The following XPO5 variants were observed in gnomAD, a reference collection of about 807,000 sequenced individuals.
XPO5 encodes the protein exportin-5.
A neutral mutation model predicts 160.6 loss-of-function variants in XPO5; 46 were observed. That is an observed-to-expected ratio of 0.29 (90% confidence interval 0.23 to 0.37). XPO5 has a LOEUF of 0.37. Among genes scored for constraint, XPO5 ranks in the 10% least tolerant of loss-of-function variants. XPO5 has a pLI of 1.00. For missense variants in XPO5, 1,090 were observed against 1,463.9 expected (o/e 0.74, Z 4.17); for synonymous variants, 537 against 519.3 (o/e 1.03, Z -0.46).
Position 43,533,796 on chromosome 6 carries a change from G to C in XPO5, c.2443+111C>G, listed in dbSNP as rs1310432610. ...CCTACAGTGAGCTATGGTTGCACCAGTGCACTCTAGCCTGGGTGACAGAGA... is the reference window on the plus strand; with the variant it reads ...CCTACAGTGAGCTATGGTTGCACCACTGCACTCTAGCCTGGGTGACAGAGA... On this transcript the variant is annotated intron_variant, in intron 21 of 31. Transcript: ENST00000265351. 3 of 690,226 alleles carry C rather than the reference G, an allele frequency of 4.3e-6. No individual in the cohort carries two copies. The East Asian group carries it at 1.2e-4, about 27-fold the overall frequency. The allele number at this position is 690,226 out of a possible 1,614,324, so 42.8% of individuals were successfully genotyped here.
intron 20 of XPO5, among the ~76,000 whole-genome samples, chr6:43,538,172 C>G (rs1349828560): frequency 1.7e-5 from 1 of 58,436 alleles, no homozygotes; most frequent in East Asian, 5.3e-4. Flanking sequence ...TTTTTTGAAA[C>G]AGAGATTTGC....
At chr6:43,573,806 T>A (rs1375578412) in intron 1 of XPO5, among the ~76,000 whole-genome samples, 2 of 116,394 alleles carry the variant, frequency 1.7e-5, no homozygotes, top group Non-Finnish European at 3.5e-5. Context: ...CTCTATTAAA[T>A]ATATATATAT....
chr6:43,548,181 C>A, intron 18 of XPO5, 80 bp downstream of exon 18: 1 of 1,401,648 alleles, frequency 7.1e-7, no homozygotes, highest in African/African-American at 1.4e-5. Flanking sequence ...TCCTTAACCC[C>A]TACCCCACCC....
intron 19 of XPO5, chr6:43,547,197 A>G (rs1016560947): frequency 1.4e-5 from 5 of 356,930 alleles, no homozygotes; most frequent in African/African-American, 8.5e-5. Flanking sequence ...GACTTGTGCC[A>G]TAATGGAGCC....
intron 28 of XPO5, 149 bp from the exon 29 acceptor site, chr6:43,525,363 C>G: frequency 2.8e-6 from 2 of 713,888 alleles, no homozygotes; most frequent in Non-Finnish European, 4.5e-6. Context: ...GTCCTGAACT[C>G]CTGGGCTCAA....
At chr6:43,563,641 C>A (rs1026698506) in intron 8 of XPO5, among the ~76,000 whole-genome samples, 2 of 152,188 alleles carry the variant, frequency 1.3e-5, no homozygotes, top group Non-Finnish European at 1.5e-5. Flanking sequence ...GCCTATTGCT[C>A]CTAGGCTACA....
chr6:43,563,572 TACTTACACAA>T (rs1165010335), intron 8 of XPO5, among the ~76,000 whole-genome samples: 23 of 152,320 alleles, frequency 1.5e-4, no homozygotes, highest in African/African-American at 5.1e-4. Context: ...TGATAGAGTG[TACTTACACAA>T]ACTTACACAA....
At position 43,565,732 on chromosome 6, in the gene XPO5, T is replaced by A; in HGVS notation, c.839A>T (p.Lys280Met). 6.2e-7 allele frequency: 1 copy of A among 1,606,286 alleles called. No individual in the cohort carries two copies. Among genetic ancestry groups the A allele is most frequent in the Non-Finnish European group, 8.5e-7 (1 of 1,176,508 alleles). The change falls in exon 8 of 32, where the codon AAG becomes ATG. Residue 280 changes from lysine to methionine, a missense_variant. Coordinates refer to ENST00000265351, the MANE Select transcript of XPO5 (RefSeq NM_020750.3). ...CATCAAGGGCTTCCGGTCTTCCAAC[T>A]TGCCCTAGACCCAATTTTAGGGAAA... ...CLLIAVSRKG[K>M]LEDRKPLMVL...
intron 27 of XPO5, 62 bp from the exon 28 acceptor site, chr6:43,525,983 C>G: frequency 6.3e-7 from 1 of 1,584,208 alleles, no homozygotes. Flanking sequence ...ATATCTTGTT[C>G]TGACAGAAGC....
intron 17 of XPO5, among the ~76,000 whole-genome samples, chr6:43,548,988 T>A (rs1795099080): frequency 6.6e-6 from 1 of 152,178 alleles, no homozygotes; most frequent in South Asian, 2.1e-4. Flanking sequence ...CTATTTGTAT[T>A]TTGAAGAGAG....
At chr6:43,537,035 T>C (rs1172146307) in intron 20 of XPO5, among the ~76,000 whole-genome samples, 3 of 152,098 alleles carry the variant, frequency 2.0e-5, no homozygotes, top group Non-Finnish European at 2.9e-5. Context: ...GGTGTGTTCA[T>C]AGCTCACTGC....
At position 43,562,796 on chromosome 6, in the gene XPO5, C is replaced by G. The variant is rs1762479593; in HGVS notation, c.912-450G>C. Among the ~76,000 whole-genome samples the G allele has an allele frequency of 2.0e-5, 3 of 152,120 alleles. No individual in the cohort carries two copies. In the South Asian group the frequency reaches 6.2e-4, roughly 32 times the overall value. The stretch of plus-strand genomic sequence containing the variant: ...ACCCACAGCACAAACAGAAACGGGA[C>G]ACCACTTAGTATGAGTGTCATGATG... On this transcript the variant is annotated intron_variant, in intron 8 of 31. Transcript: ENST00000265351.
At chr6:43,524,390 T>C (rs1292027045) in intron 31 of XPO5, 81 bp downstream of exon 31, 8 of 1,338,082 alleles carry the variant, frequency 6.0e-6, no homozygotes, top group African/African-American at 1.5e-5. Context: ...TAATGGTCAA[T>C]AACTACAGCT....
Position 43,551,523 on chromosome 6 carries a change from T to C in XPO5, c.1573-70A>G, listed in dbSNP as rs191767827. On this transcript the variant is annotated intron_variant, in intron 14 of 31. Transcript: ENST00000265351. ...TAGAAATAACCATTTTGGCTACATTTTATTTTCATCTTTTAAAGAGACAGG... is the reference window on the plus strand; with the variant it reads ...TAGAAATAACCATTTTGGCTACATTCTATTTTCATCTTTTAAAGAGACAGG... The C allele has an allele frequency of 1.3e-5, 20 of 1,569,590 alleles. No homozygotes were observed. The East Asian group carries it at 1.6e-4, about 12-fold the overall frequency.
chr6:43,528,634 C>T (rs372030185), intron 24 of XPO5, among the ~76,000 whole-genome samples, 194 bp downstream of exon 24: 1 of 152,134 alleles, frequency 6.6e-6, no homozygotes, highest in East Asian at 1.9e-4. Flanking sequence ...TGTCTTGTGG[C>T]AATTAAATCA....
Position 43,567,226 on chromosome 6 carries a change from A to G in XPO5, c.777T>C (p.Asn259=). 2 of 1,613,920 alleles carry G rather than the reference A, an allele frequency of 1.2e-6. No individual in the cohort carries two copies. The highest frequency in any genetic ancestry group is 2.2e-5 in the South Asian group (2 of 91,046). ...CGGCTCCCAACTGAAGTTCCTGTTC[A>G]TTCAACAGCAAACACAGTATCTCCA... ...KLLEILCLLL[N]EQELQLGAAE... The change falls in exon 7 of 32, where the codon AAT becomes AAC. Residue 259 remains asparagine (N), a synonymous_variant. Transcript: ENST00000265351.
chr6:43,536,346 C>T (rs112201187), intron 20 of XPO5, among the ~76,000 whole-genome samples: 2 of 151,524 alleles, frequency 1.3e-5, no homozygotes, highest in Admixed American at 6.6e-5. Context: ...ACCCAGGAGG[C>T]GGAAATTGCA....
Position 43,569,500 on chromosome 6 carries a change from AAGGC to A in XPO5, c.622-767_622-764del, listed in dbSNP as rs1425076864. 2.1e-4 allele frequency among the ~76,000 whole-genome samples: 32 copies of A among 152,110 alleles called. 1 individual carries two copies. The highest frequency in any genetic ancestry group is 7.0e-4 in the African/African-American group (29 of 41,534). On this transcript the variant is annotated intron_variant, in intron 5 of 31. Coordinates refer to ENST00000265351, the MANE Select transcript of XPO5 (RefSeq NM_020750.3). ...TACCATCCCAGCACTTTGGAAGACC[AAGGC>A]AGGCGGATTATTTGAGGTCAGGAGT...
chr6:43,553,491 A>C lies in XPO5; in HGVS notation c.1454T>G (p.Val485Gly). The C allele has an allele frequency of 6.4e-7, 1 of 1,556,888 alleles. No individual in the cohort carries two copies. The highest frequency in any genetic ancestry group is 8.7e-7 in the Non-Finnish European group (1 of 1,149,994). ...ACAGAGGCTTCCTTCTCCAGTTCCA[A>C]CTGCAGAACAAGCTTTAAAACACAC... ...DAGSVNSCSAVGTGEGSLCSV... is the reference protein window; with the variant it reads ...DAGSVNSCSAGGTGEGSLCSV... The change falls in exon 14 of 32, where the codon GTT (valine) becomes GGT (glycine). Residue 485 changes from valine to glycine, a missense_variant. By Grantham distance (109) the Val-to-Gly change is moderately radical. Transcript: ENST00000265351.
Sources: gnomAD v4.1 joint callset for allele counts (sites outside exome capture counted in the v4.1 genomes callset) on GRCh38, gnomAD v4.1.1 for gene constraint, MANE v1.5 for transcripts, NCBI Gene and HGNC (gene_info 2026-07-23, HGNC 2026-07-21) for gene names.